The following GRB10 variants were observed in gnomAD, a reference collection of about 807,000 sequenced individuals.
The protein encoded by GRB10 is growth factor receptor-bound protein 10.
Under a neutral mutation model 80.9 loss-of-function variants are expected in GRB10, and 20 were observed. The ratio of observed to expected loss-of-function variants is 0.25; its 90% CI spans 0.17 to 0.36. The LOEUF is 0.36. Ranked by LOEUF, GRB10 falls within the 10% of genes least tolerant of loss-of-function variation. GRB10 has a pLI of 1.00. For synonymous variants in GRB10, 291 were observed against 291.5 expected (o/e 1.00, Z 0.02); for missense variants, 548 against 747.7 (o/e 0.73, Z 3.12).
At chr7:50,651,390 T>A (rs1042473467) in intron 7 of GRB10, among the ~76,000 whole-genome samples, 3 of 152,206 alleles carry the variant, frequency 2.0e-5, no homozygotes, top group Non-Finnish European at 4.4e-5. Context: ...TACAGAAGCA[T>A]CACTGCAATC....
rs139199250 is a variant in GRB10 at position 50,742,266 on chromosome 7, C to T, written c.-46-9898G>A. On this transcript the variant is annotated intron_variant, in intron 3 of 18. Transcript: ENST00000401949. ...CTATGTGTAAACACACGCGCACGCG[C>T]GCGCGCACACACACACACACACACA... Among the ~76,000 whole-genome samples, 23 of 21,478 alleles carry T rather than the reference C, an allele frequency of 1.1e-3. No individual in the cohort carries two copies. The South Asian group carries it at 0.014, about 13-fold the overall frequency. The allele number at this position is 21,478 out of a possible 152,430, so 14.1% of individuals were successfully genotyped here.
At chr7:50,777,040 A>ATTTC (rs1554315940) in intron 2 of GRB10, among the ~76,000 whole-genome samples, 2 of 46,612 alleles carry the variant, frequency 4.3e-5, no homozygotes, top group African/African-American at 1.7e-4. Flanking sequence ...CTCAGTATCA[A>ATTTC]TTTCTGTCTG....
intron 3 of GRB10, among the ~76,000 whole-genome samples, chr7:50,736,593 G>A (rs2070834356): frequency 1.3e-5 from 2 of 152,136 alleles, no homozygotes; most frequent in African/African-American, 4.8e-5. Flanking sequence ...AGAAGTTTGA[G>A]AACAGCCTGA....
chr7:50,701,583 C>G (rs1268517094), intron 5 of GRB10, among the ~76,000 whole-genome samples: 2 of 151,804 alleles, frequency 1.3e-5, no homozygotes, highest in Non-Finnish European at 2.9e-5. Context: ...AACTTGGTCT[C>G]TTAAAAAATA....
At chr7:50,752,066 C>T (rs771625223) in intron 3 of GRB10, among the ~76,000 whole-genome samples, 9 of 152,160 alleles carry the variant, frequency 5.9e-5, no homozygotes, top group African/African-American at 1.4e-4. Context: ...AGCTTCCCAG[C>T]GCAATCCAGT....
At chr7:50,593,764 C>G (rs1044895793) in intron 18 of GRB10, among the ~76,000 whole-genome samples, 3 of 152,148 alleles carry the variant, frequency 2.0e-5, no homozygotes, top group Non-Finnish European at 2.9e-5. Flanking sequence ...TCGTGTTGTT[C>G]ACAGGGAATA....
upstream of GRB10, among the ~76,000 whole-genome samples, chr7:50,787,295 G>T (rs79236522): frequency 0.036 from 5,441 of 151,968 alleles, 314 homozygotes; most frequent in African/African-American, 0.12. Flanking sequence ...GGAGGAGGAG[G>T]TTGCCAGGAA....
At chr7:50,752,363 C>T (rs368304126) in intron 3 of GRB10, among the ~76,000 whole-genome samples, 4 of 152,144 alleles carry the variant, frequency 2.6e-5, no homozygotes, top group Non-Finnish European at 4.4e-5. Context: ...CTCTTTCCTA[C>T]GGGAAAGGCT....
At chr7:50,756,496 T>C (rs548063033) in intron 2 of GRB10, among the ~76,000 whole-genome samples, 38 of 152,326 alleles carry the variant, frequency 2.5e-4, no homozygotes, top group Middle Eastern at 3.4e-3. Context: ...CAGCCCACAA[T>C]GCCTGGTACT....
chr7:50,674,673 G>C lies in GRB10; in HGVS notation c.140-15C>G, dbSNP rs780504767. The C allele has an allele frequency of 1.8e-5, 29 of 1,609,868 alleles. No homozygotes were observed. Among genetic ancestry groups the C allele is most frequent in the South Asian group, 6.6e-5 (6 of 91,032 alleles). ...CACATCATCCTCTGCACAGAAAAAGGCAAGAGCAAAAAAGAAACTTTAACA... is the reference window on the plus strand; with the variant it reads ...CACATCATCCTCTGCACAGAAAAAGCCAAGAGCAAAAAAGAAACTTTAACA... On this transcript the variant is annotated splice_polypyrimidine_tract_variant and intron_variant, in intron 5 of 18. Coordinates refer to ENST00000401949, the MANE Select transcript of GRB10 (RefSeq NM_001350814.2).
At chr7:50,763,457 G>A (rs2075995946) in intron 2 of GRB10, among the ~76,000 whole-genome samples, 1 of 152,196 alleles carries the variant, frequency 6.6e-6, no homozygotes, top group Non-Finnish European at 1.5e-5. Flanking sequence ...CCGCTGGAGT[G>A]GGGGCAGCAG....
rs563723330 is a variant in GRB10, at chr7:50,747,358, G to A, written c.-47+8529C>T. 9.8e-5 allele frequency among the ~76,000 whole-genome samples: 15 copies of A among 152,304 alleles called. No individual in the cohort carries two copies. The South Asian group carries it at 2.9e-3, about 29-fold the overall frequency. ...CCCTCCAAATCCACAAAACAAAGGC[G>A]CTTACAGTCAAACAAGTTCAGGTTT... On this transcript the variant is annotated intron_variant, in intron 3 of 18. Coordinates refer to ENST00000401949, the MANE Select transcript of GRB10 (RefSeq NM_001350814.2).
intron 3 of GRB10, among the ~76,000 whole-genome samples, chr7:50,748,945 G>A (rs1053327024): frequency 5.3e-5 from 8 of 152,154 alleles, no homozygotes; most frequent in African/African-American, 1.9e-4. Context: ...ATAAAGAGGT[G>A]CTACATTAAA....
intron 3 of GRB10, among the ~76,000 whole-genome samples, chr7:50,747,078 C>T (rs771007244): frequency 2.4e-4 from 36 of 152,230 alleles, no homozygotes; most frequent in Non-Finnish European, 4.3e-4. Context: ...TCAGCAGTCT[C>T]TCCAAAGCCC....
At chr7:50,677,713 A>G (rs1398037528) in intron 5 of GRB10, among the ~76,000 whole-genome samples, 1 of 152,230 alleles carries the variant, frequency 6.6e-6, no homozygotes, top group Non-Finnish European at 1.5e-5. Flanking sequence ...AACTTACCGT[A>G]TTAACAGCTC....
intron 7 of GRB10, among the ~76,000 whole-genome samples, chr7:50,668,204 G>A (rs1015674622): frequency 3.9e-5 from 6 of 152,098 alleles, no homozygotes; most frequent in East Asian, 1.9e-4. Flanking sequence ...GGGAGCCAGC[G>A]GGTATTGGAA....
chr7:50,604,130 C>A lies in GRB10; in HGVS notation c.1457-45G>T, dbSNP rs765222473. 5.3e-5 allele frequency: 80 copies of A among 1,507,432 alleles called. No homozygotes were observed. The South Asian group carries it at 7.0e-4, about 13-fold the overall frequency. 93.4% of individuals were successfully genotyped at this position (1,507,432 alleles called of 1,614,324 possible). On this transcript the variant is annotated intron_variant, in intron 16 of 18. Coordinates refer to ENST00000401949, the MANE Select transcript of GRB10 (RefSeq NM_001350814.2). ...GGAGGGTAGGATGGTGGTGCCTCTG[C>A]AGAATGGCTTCCCTGACAGCACAAC...
chr7:50,785,005 C>G (rs1340474170), upstream of GRB10, among the ~76,000 whole-genome samples: 1 of 152,248 alleles, frequency 6.6e-6, no homozygotes, highest in Non-Finnish European at 1.5e-5. Flanking sequence ...ACACAGGTCT[C>G]TGGACCAGGA....
intron 5 of GRB10, among the ~76,000 whole-genome samples, chr7:50,682,658 G>A (rs560383466): frequency 6.6e-5 from 10 of 152,196 alleles, no homozygotes; most frequent in Non-Finnish European, 1.2e-4. Context: ...TATAGCAGTG[G>A]TTTGAAAAGT....
Sources: gnomAD v4.1 joint callset for allele counts (sites outside exome capture counted in the v4.1 genomes callset) on GRCh38, gnomAD v4.1.1 for gene constraint, MANE v1.5 for transcripts, NCBI Gene and HGNC (gene_info 2026-07-23, HGNC 2026-07-21) for gene names.